The following ARHGAP10 variants were observed in gnomAD, a reference collection of about 807,000 sequenced individuals.
ARHGAP10 encodes the protein Rho GTPase activating protein 10.
A neutral mutation model predicts 108.6 loss-of-function variants in ARHGAP10; 87 were observed. The observed-to-expected ratio is 0.80, with a 90% CI of 0.67 to 0.96. ARHGAP10 has a LOEUF of 0.96. Among genes scored for constraint, ARHGAP10 ranks in the 40% least tolerant of loss-of-function variants. The probability of loss-of-function intolerance (pLI) is 0.00; values close to 1 mark genes in which losing one functional copy is unlikely to be tolerated. For missense variants in ARHGAP10, 939 were observed against 954.5 expected, an observed-to-expected ratio of 0.98 and a Z score of 0.21; for synonymous variants, 347 against 341.1, an observed-to-expected ratio of 1.02 and a Z score of -0.19.
intron 17 of ARHGAP10, among the ~76,000 whole-genome samples, chr4:147,966,176 A>C (rs929428835): frequency 6.6e-6 from 1 of 151,402 alleles, no homozygotes; most frequent in African/African-American, 2.4e-5. Flanking sequence ...GGAAAGAGTG[A>C]GTTTTCTAAG....
intron 18 of ARHGAP10, 93 bp from the exon 19 acceptor site, chr4:148,023,170 T>C: frequency 6.8e-7 from 1 of 1,473,106 alleles, no homozygotes; most frequent in Non-Finnish European, 9.3e-7. Context: ...TTGAATGAAC[T>C]CCAAATCAAA....
intron 13 of ARHGAP10, among the ~76,000 whole-genome samples, chr4:147,919,569 T>G (rs370913502): frequency 3.2e-4 from 8 of 25,318 alleles, no homozygotes; most frequent in African/African-American, 3.5e-4. Flanking sequence ...TAAAAACAAT[T>G]TTTTTTTCTT....
intron 18 of ARHGAP10, among the ~76,000 whole-genome samples, chr4:148,002,893 G>A (rs570637909): frequency 6.3e-4 from 96 of 152,106 alleles, no homozygotes; most frequent in Middle Eastern, 3.4e-3. Context: ...TTTTTGAAGG[G>A]TTTTTTGTGT....
intron 18 of ARHGAP10, among the ~76,000 whole-genome samples, chr4:147,988,606 C>G (rs986113103): frequency 3.3e-5 from 5 of 152,200 alleles, no homozygotes; most frequent in Non-Finnish European, 7.3e-5. Context: ...AAAAAGTGTA[C>G]ACTTTCAGGA....
chr4:147,751,607 G>A (rs1177986614), intron 1 of ARHGAP10, among the ~76,000 whole-genome samples: 1 of 151,874 alleles, frequency 6.6e-6, no homozygotes, highest in Non-Finnish European at 1.5e-5. Context: ...CTCAAGTGAT[G>A]TGCCTACCTC....
intron 18 of ARHGAP10, among the ~76,000 whole-genome samples, chr4:148,008,818 G>A (rs1200732697): frequency 6.6e-6 from 1 of 152,016 alleles, no homozygotes; most frequent in African/African-American, 2.4e-5. Context: ...GTAGTGTGGT[G>A]TTTTCCAGAG....
At chr4:147,904,463 A>G (rs927921866) in intron 10 of ARHGAP10, among the ~76,000 whole-genome samples, 1 of 145,806 alleles carries the variant, frequency 6.9e-6, no homozygotes, top group Non-Finnish European at 1.5e-5. Context: ...GTTCCCACCT[A>G]TGAGTGAGAA....
intron 18 of ARHGAP10, among the ~76,000 whole-genome samples, chr4:147,983,421 G>A (rs568566491): frequency 3.3e-5 from 5 of 151,572 alleles, no homozygotes; most frequent in Non-Finnish European, 5.9e-5. Flanking sequence ...TCCTGAGCTC[G>A]TGATCCGCCC....
intron 18 of ARHGAP10, among the ~76,000 whole-genome samples, chr4:147,984,381 GGGAA>G (rs1009779487): frequency 4.1e-4 from 63 of 152,228 alleles, no homozygotes; most frequent in African/African-American, 1.5e-3. Flanking sequence ...TTGAGGAGGC[GGGAA>G]GGGAGTATGA....
At chr4:147,855,610 G>A (rs907145533) in intron 4 of ARHGAP10, among the ~76,000 whole-genome samples, 1 of 151,082 alleles carries the variant, frequency 6.6e-6, no homozygotes, top group South Asian at 2.1e-4. Flanking sequence ...TTTAGGTCTG[G>A]ATCTATGAGG....
chr4:147,807,186 AC>A (rs138230866), intron 1 of ARHGAP10, among the ~76,000 whole-genome samples: 8,267 of 151,924 alleles, frequency 0.054, 355 homozygotes, highest in African/African-American at 0.12. Flanking sequence ...GTCTGTTCCC[AC>A]CCCCCAATTC....
At chr4:147,772,137 TTC>T (rs960656218) in intron 1 of ARHGAP10, among the ~76,000 whole-genome samples, 3 of 152,170 alleles carry the variant, frequency 2.0e-5, no homozygotes, top group African/African-American at 7.2e-5. Flanking sequence ...TCCTGAGAAG[TTC>T]TCTCTACTTC....
chr4:147,937,845 G>A (rs1738016135), intron 13 of ARHGAP10, among the ~76,000 whole-genome samples: 1 of 152,206 alleles, frequency 6.6e-6, no homozygotes, highest in South Asian at 2.1e-4. Context: ...TGGGTGTGGT[G>A]GCATATGCCT....
At position 148,023,388 on chromosome 4, in the gene ARHGAP10, C is replaced by T. The variant is rs115152490; in HGVS notation, c.1842C>T (p.Tyr614=). 7.8e-4 allele frequency: 1,256 copies of T among 1,613,834 alleles called. 14 individuals are homozygous for T. In the African/African-American group the frequency reaches 0.014, roughly 18 times the overall value. The change falls in exon 19 of 23, where the codon TAC becomes TAT. Residue 614 remains tyrosine, a synonymous_variant. Coordinates refer to ENST00000336498, the MANE Select transcript of ARHGAP10 (RefSeq NM_024605.4). ...GAACCAAGAGGCCCGTGGCCGTCTA[C>T]AATCTTTGTCTGGAGCTGGAAGATG... ...GQRTKRPVAV[Y]NLCLELEDGD...
chr4:147,780,142 A>G (rs1279591997), intron 1 of ARHGAP10, among the ~76,000 whole-genome samples: 1 of 152,198 alleles, frequency 6.6e-6, no homozygotes, highest in African/African-American at 2.4e-5. Context: ...TTGGAACATA[A>G]TTATAAAATT....
At chr4:148,020,317 T>C (rs1741516772) in intron 18 of ARHGAP10, among the ~76,000 whole-genome samples, 1 of 152,190 alleles carries the variant, frequency 6.6e-6, no homozygotes, top group South Asian at 2.1e-4. Flanking sequence ...TTTTAAGTTC[T>C]GGGGCTACAT....
At chr4:147,785,271 G>T (rs574601203) in intron 1 of ARHGAP10, among the ~76,000 whole-genome samples, 2 of 151,960 alleles carry the variant, frequency 1.3e-5, no homozygotes, top group East Asian at 3.9e-4. Flanking sequence ...TCAAGTGATG[G>T]CTTGTTGTGT....
At chr4:148,014,690 G>A (rs1741285040) in intron 18 of ARHGAP10, among the ~76,000 whole-genome samples, 3 of 152,206 alleles carry the variant, frequency 2.0e-5, no homozygotes, top group Admixed American at 2.0e-4. Flanking sequence ...GGAATGTGTT[G>A]TACTTTATAA....
rs576639348 is a variant in ARHGAP10 at position 147,942,949 on chromosome 4, G to T, written c.1303+3050G>T. Among the ~76,000 whole-genome samples the T allele has an allele frequency of 9.2e-5, 14 of 152,316 alleles. No homozygotes were observed. The South Asian group carries it at 2.7e-3, about 29-fold the overall frequency. On this transcript the variant is annotated intron_variant, in intron 14 of 22. Transcript: ENST00000336498. ...CCCTTTGCAGCCTCTAAGACAGGGC[G>T]CACAGATTTGGTAGAAGTTGTTATT...
Sources: gnomAD v4.1 joint callset for allele counts (sites outside exome capture counted in the v4.1 genomes callset) on GRCh38, gnomAD v4.1.1 for gene constraint, MANE v1.5 for transcripts, NCBI Gene and HGNC (gene_info 2026-07-23, HGNC 2026-07-21) for gene names.